The following CSMD1 variants were observed in gnomAD, a reference collection of about 807,000 sequenced individuals.
CSMD1 encodes CUB and sushi domain-containing protein 1.
Under a neutral mutation model 417.5 loss-of-function variants are expected in CSMD1, and 213 were observed. The ratio of observed to expected loss-of-function variants is 0.51; its 90% CI spans 0.46 to 0.57. The LOEUF is 0.57. CSMD1 is among the 20% of genes least tolerant of loss of function. CSMD1 has a pLI of 0.00. For missense variants in CSMD1, 6,923 were observed against 4,529.7 expected (o/e 1.53, Z -15.17); for synonymous variants, 2,862 against 1,736.8 (o/e 1.65, Z -16.11).
At chr8:4,956,430 C>T (rs367752930) in intron 1 of CSMD1, among the ~76,000 whole-genome samples, 1 of 148,182 alleles carries the variant, frequency 6.7e-6, no homozygotes, top group South Asian at 2.1e-4. Context: ...TTCATATGTG[C>T]ATATATTTAA....
At chr8:4,430,069 C>T (rs963342541) in intron 2 of CSMD1, among the ~76,000 whole-genome samples, 2 of 152,140 alleles carry the variant, frequency 1.3e-5, no homozygotes, top group Non-Finnish European at 2.9e-5. Context: ...AGTATAAAAG[C>T]AGAAACAAAA....
At chr8:4,146,762 G>A (rs1005490057) in intron 3 of CSMD1, among the ~76,000 whole-genome samples, 1 of 149,132 alleles carries the variant, frequency 6.7e-6, no homozygotes. Context: ...CAGGCGCCCG[G>A]CACCAGACTC....
At chr8:3,638,934 C>G (rs183770995) in intron 7 of CSMD1, among the ~76,000 whole-genome samples, 30 of 152,290 alleles carry the variant, frequency 2.0e-4, no homozygotes, top group African/African-American at 6.7e-4. Context: ...TATTTTCTGT[C>G]TCTCAGCAGT....
chr8:3,800,774 C>G (rs1800412101), intron 5 of CSMD1, among the ~76,000 whole-genome samples: 1 of 151,978 alleles, frequency 6.6e-6, no homozygotes, highest in South Asian at 2.1e-4. Context: ...AGCAAATTCC[C>G]TCCTCATGTT....
chr8:4,093,967 T>A (rs533481789), intron 3 of CSMD1, among the ~76,000 whole-genome samples: 1 of 103,650 alleles, frequency 9.6e-6, no homozygotes, highest in Non-Finnish European at 2.1e-5. Flanking sequence ...ACATCTCAAA[T>A]AGATAGATAG....
rs1802878189 is a variant in CSMD1 at position 4,637,273 on chromosome 8, T to C, written c.302+69A>G. The C allele has an allele frequency of 4.5e-6, 6 of 1,325,606 alleles. No individual in the cohort carries two copies. The Admixed American group carries it at 1.1e-4, about 25-fold the overall frequency. 82.1% of individuals were successfully genotyped at this position (1,325,606 alleles called of 1,614,324 possible). ...CGGACACAATAATAAAATTTAAATA[T>C]TCCAACTAGATTTCATAATCTGTGT... On this transcript the variant is annotated intron_variant, in intron 2 of 69. Transcript: ENST00000635120.
At chr8:4,087,755 A>C (rs1221626266) in intron 3 of CSMD1, among the ~76,000 whole-genome samples, 2 of 151,936 alleles carry the variant, frequency 1.3e-5, no homozygotes, top group African/African-American at 2.4e-5. Context: ...CCGTTCTCTT[A>C]ATCTTCTTTC....
intron 9 of CSMD1, among the ~76,000 whole-genome samples, chr8:3,583,932 G>A (rs910940859): frequency 1.3e-5 from 2 of 151,542 alleles, no homozygotes; most frequent in Non-Finnish European, 2.9e-5. Flanking sequence ...GTCAGCAGGA[G>A]TCCAAGATGG....
intron 1 of CSMD1, among the ~76,000 whole-genome samples, chr8:4,695,064 T>C (rs1054755200): frequency 2.6e-5 from 4 of 152,212 alleles, no homozygotes; most frequent in African/African-American, 9.6e-5. Flanking sequence ...TATGGGAATG[T>C]TCTTAACTAA....
At chr8:3,941,061 G>A (rs921879016) in intron 5 of CSMD1, among the ~76,000 whole-genome samples, 12 of 151,052 alleles carry the variant, frequency 7.9e-5, no homozygotes, top group Admixed American at 7.9e-4. Context: ...AATCAAATTG[G>A]GGTAATTATA....
At chr8:3,559,050 C>T (rs909828217) in intron 10 of CSMD1, among the ~76,000 whole-genome samples, 5 of 152,086 alleles carry the variant, frequency 3.3e-5, no homozygotes, top group African/African-American at 1.2e-4. Context: ...ATGTAAAGGA[C>T]CATGGAGAAG....
chr8:3,784,515 C>T (rs917450603), intron 5 of CSMD1, among the ~76,000 whole-genome samples: 1 of 152,078 alleles, frequency 6.6e-6, no homozygotes, highest in Non-Finnish European at 1.5e-5. Flanking sequence ...TTGCTAGAAT[C>T]CTCAATTTCT....
At chr8:4,552,410 C>A (rs1223381922) in intron 2 of CSMD1, among the ~76,000 whole-genome samples, 1 of 152,050 alleles carries the variant, frequency 6.6e-6, no homozygotes, top group African/African-American at 2.4e-5. Context: ...CAAAGACTTG[C>A]ATCCATTCCC....
chr8:4,111,778 G>C (rs1441158475), intron 3 of CSMD1, among the ~76,000 whole-genome samples: 2 of 152,144 alleles, frequency 1.3e-5, no homozygotes, highest in South Asian at 2.1e-4. Flanking sequence ...GTGGGGCATA[G>C]GGTGAGGGAG....
At chr8:2,951,375 C>G in intron 65 of CSMD1, 100 bp from the exon 66 acceptor site, 1 of 1,234,680 alleles carries the variant, frequency 8.1e-7, no homozygotes, top group South Asian at 1.6e-5. Context: ...AGCGAGCGAT[C>G]ACAGATGAGG....
chr8:3,557,201 GGA>G (rs1377231644), intron 10 of CSMD1, among the ~76,000 whole-genome samples: 7 of 152,142 alleles, frequency 4.6e-5, no homozygotes, highest in African/African-American at 1.7e-4. Flanking sequence ...TTGTTTCTCT[GGA>G]TATGTATTAG....
At position 4,061,366 on chromosome 8, in the gene CSMD1, A is replaced by T. The variant is rs548251669; in HGVS notation, c.416-29267T>A. Among the ~76,000 whole-genome samples the T allele has an allele frequency of 2.6e-5, 4 of 152,368 alleles. No individual in the cohort carries two copies. In the East Asian group the frequency reaches 5.8e-4, roughly 22 times the overall value. On this transcript the variant is annotated intron_variant, in intron 3 of 69. Coordinates refer to ENST00000635120, the MANE Select transcript of CSMD1 (RefSeq NM_033225.6). ...ACAAAGAAAAGTAGAAGTAAAAATTAAAAAATGAAATGAAGTAAGTGCACA... is the reference window on the plus strand; with the variant it reads ...ACAAAGAAAAGTAGAAGTAAAAATTTAAAAATGAAATGAAGTAAGTGCACA...
intron 2 of CSMD1, among the ~76,000 whole-genome samples, chr8:4,476,812 A>G (rs1800826254): frequency 6.6e-6 from 1 of 152,178 alleles, no homozygotes; most frequent in Admixed American, 6.5e-5. Flanking sequence ...CTCCATCAAA[A>G]CCCATCACCG....
At chr8:3,962,789 T>A (rs1812418060) in intron 5 of CSMD1, among the ~76,000 whole-genome samples, 1 of 152,186 alleles carries the variant, frequency 6.6e-6, no homozygotes, top group Non-Finnish European at 1.5e-5. Flanking sequence ...TATTCATATT[T>A]TTAAAAACAT....
Sources: allele counts gnomAD v4.1 joint callset (sites outside exome capture counted in the v4.1 genomes callset), GRCh38; gene constraint gnomAD v4.1.1; transcripts MANE v1.5; gene names NCBI Gene and HGNC (gene_info 2026-07-23, HGNC 2026-07-21).